The following ALG3 variants were observed in gnomAD, a reference collection of about 807,000 sequenced individuals.
ALG3 encodes ALG3 alpha-1,3- mannosyltransferase.
A neutral mutation model predicts 50.5 loss-of-function variants in ALG3; 39 were observed. The ratio of observed to expected loss-of-function variants is 0.77; its 90% confidence interval spans 0.60 to 1.01. The LOEUF is 1.01. Ranked by LOEUF, ALG3 falls within the 50% of genes least tolerant of loss-of-function variation. The probability of loss-of-function intolerance (pLI) is 0.00; values close to 1 mark genes in which losing one functional copy is unlikely to be tolerated. For missense variants in ALG3, 520 were observed against 554.8 expected (o/e 0.94, Z 0.63); for synonymous variants, 252 against 237.2 (o/e 1.06, Z -0.58).
At chr3:184,249,263 C>T (rs779358679), upstream of ALG3, 52 of 1,612,108 alleles carry the variant, frequency 3.2e-5, no homozygotes, top group Non-Finnish European at 4.2e-5. Flanking sequence ...TCTCCTTCGC[C>T]TGCGCTGGGA....
At chr3:184,249,245 G>A, upstream of ALG3, 1 of 1,612,816 alleles carries the variant, frequency 6.2e-7, no homozygotes, top group Non-Finnish European at 8.5e-7. Context: ...AACCGCTGAA[G>A]CCAGCATTCT....
At chr3:184,243,712 T>G in intron 6 of ALG3, 79 bp downstream of exon 6, 1 of 1,595,506 alleles carries the variant, frequency 6.3e-7, no homozygotes, top group Non-Finnish European at 8.6e-7. Context: ...TAACTGACAC[T>G]TCCCCCAAGC....
Position 184,243,985 on chromosome 3 carries a change from C to T in ALG3, c.738G>A (p.Gly246=). 1 of 1,612,970 alleles carries T rather than the reference C, an allele frequency of 6.2e-7. No homozygotes were observed. The highest frequency in any genetic ancestry group is 8.5e-7 in the Non-Finnish European group (1 of 1,179,672). Residue 246 remains glycine, a synonymous_variant, in exon 6 of 9, where the codon GGG becomes GGA. Transcript: ENST00000397676. ...GICAGLQVVL[G]LPFLLENPSG... ...TGGGGTTCTCCAGCAGGAAGGGCAG[C>T]CCCAGCACCACCTGAGGATTGGTGT...
chr3:184,245,797 C>T lies in ALG3; in HGVS notation c.212G>A (p.Trp71Ter). 1.2e-6 allele frequency: 2 copies of T among 1,613,422 alleles called. No individual in the cohort carries two copies. Among genetic ancestry groups the T allele is most frequent in the Non-Finnish European group, 8.5e-7 (1 of 1,179,602 alleles). ...IHRVAYTEIDWKAYMAEVEGV... is the reference protein window; with the variant it reads ...IHRVAYTEID ...TTCTACCTCGGCCATGTAGGCCTTC[C>T]AGTCAATCTCTGTGTCTGGAAGAAG... is the stretch of plus-strand genomic sequence containing the variant. Residue 71 changes from tryptophan (W) to a stop codon, truncating the protein, a stop_gained, in exon 2 of 9, where the codon TGG becomes TAG. Coordinates refer to ENST00000397676, the MANE Select transcript of ALG3 (RefSeq NM_005787.6). LOFTEE classifies it high-confidence loss of function.
chr3:184,247,104 A>G (rs1313106677), intron 1 of ALG3, among the ~76,000 whole-genome samples: 1 of 151,416 alleles, frequency 6.6e-6, no homozygotes, highest in East Asian at 1.9e-4. Context: ...GGGTGTCAAC[A>G]TATTGGCCAG....
rs553088633 is a variant in ALG3 at position 184,248,858 on chromosome 3, G to A, written c.83C>T (p.Ala28Val). The change falls in exon 1 of 9, where the codon GCC becomes GTC. Residue 28 changes from alanine (A) to valine (V), a missense_variant. Physicochemically the swap from Ala to Val is moderately conservative, Grantham distance 64 (BLOSUM62 0). Transcript: ENST00000397676. ...CAGCAGCAGGCGCCGCTCTTGCCAG[G>A]CGCGCTGCAGCCATTGCTTGCAGAG... The part of the protein sequence containing the change: ...EGLCKQWLQR[A>V]WQERRLLLRE... 3 of 1,607,308 alleles carry A rather than the reference G, an allele frequency of 1.9e-6. No homozygotes were observed. Among genetic ancestry groups the A allele is most frequent in the South Asian group, 1.1e-5 (1 of 90,766 alleles).
rs1436563177 is a variant in ALG3, at chr3:184,245,591, G to T, written c.321C>A (p.Ile107=). The change falls in exon 3 of 9, where the codon ATC becomes ATA. Residue 107 remains isoleucine, a synonymous_variant. Coordinates refer to ENST00000397676, the MANE Select transcript of ALG3 (RefSeq NM_005787.6). ...TGGTGGCATAGTACAACCCCATAAAGATGTACACGAAACCAGCTGGGTACC... is the reference window on the plus strand; with the variant it reads ...TGGTGGCATAGTACAACCCCATAAATATGTACACGAAACCAGCTGGGTACC... ...PLVYPAGFVY[I]FMGLYYATSR... is the part of the protein sequence containing the mutation. The T allele has an allele frequency of 2.5e-6, 4 of 1,613,376 alleles. No homozygotes were observed. The highest frequency in any genetic ancestry group is 3.4e-6 in the Non-Finnish European group (4 of 1,179,652).
intron 1 of ALG3, among the ~76,000 whole-genome samples, chr3:184,247,865 AG>A (rs1166590305): frequency 1.4e-5 from 2 of 142,928 alleles, no homozygotes; most frequent in Admixed American, 1.4e-4. Context: ...TTTTTTTTTG[AG>A]ACGGAGTCTT....
rs1334653220 is a variant in ALG3 at position 184,248,931 on chromosome 3, C to T, written c.10G>A (p.Gly4Arg). Reference sequence around the variant, plus strand: ...CCGGACCGGCCGCGTTTCCGCAGCCCAGCCGCCATCTTAACGGTGCGCCGC... The same window carrying T: ...CCGGACCGGCCGCGTTTCCGCAGCCTAGCCGCCATCTTAACGGTGCGCCGC... MAA[G>R]LRKRGRSGSA... is the part of the protein sequence containing the mutation. The change falls in exon 1 of 9, where the codon GGG becomes AGG. Residue 4 changes from glycine to arginine, a missense_variant. Physicochemically the swap from Gly to Arg is moderately radical, Grantham distance 125 (BLOSUM62 -2). Transcript: ENST00000397676. The T allele has an allele frequency of 2.5e-6, 4 of 1,582,364 alleles. No homozygotes were observed. Among genetic ancestry groups the T allele is most frequent in the Admixed American group, 1.8e-5 (1 of 56,316 alleles).
chr3:184,247,390 C>A (rs184537078), intron 1 of ALG3, among the ~76,000 whole-genome samples: 251 of 152,058 alleles, frequency 1.7e-3, no homozygotes, highest in African/African-American at 5.9e-3. Flanking sequence ...CTCCACCTCC[C>A]GGGTTCAAGC....
At position 184,245,250 on chromosome 3, in the gene ALG3, T is replaced by G. The variant is rs772527283; in HGVS notation, c.553A>C (p.Ser185Arg). The stretch of plus-strand genomic sequence containing the variant: ...CGCTGGGCCAGCAGGAGGTTGATAC[T>G]GAGGAAGAGCAGCACCATGGCCACT... ...DPVAMVLLFL[S>R]INLLLAQRWG... Residue 185 changes from serine to arginine, a missense_variant, in exon 4 of 9, where the codon AGT becomes CGT. Around this residue, in one of 3 missense-constraint regions of ALG3, gnomAD observed 290 missense variants for 265.9 expected, o/e 1.09. Coordinates refer to ENST00000397676, the MANE Select transcript of ALG3 (RefSeq NM_005787.6). 1 of 1,613,806 alleles carries G rather than the reference T, an allele frequency of 6.2e-7. No homozygotes were observed. Among genetic ancestry groups the G allele is most frequent in the Non-Finnish European group, 8.5e-7 (1 of 1,179,844 alleles).
chr3:184,244,912 T>A, intron 4 of ALG3, 191 bp from the exon 5 acceptor site: 1 of 783,146 alleles, frequency 1.3e-6, no homozygotes. Context: ...AGATACATAG[T>A]CTCTATGCCT....
intron 1 of ALG3, among the ~76,000 whole-genome samples, chr3:184,246,247 C>A (rs1035280829): frequency 1.3e-5 from 2 of 152,196 alleles, no homozygotes; most frequent in Non-Finnish European, 2.9e-5. Context: ...AATGAGTATA[C>A]AATAGCCTGC....
chr3:184,249,370 C>T, upstream of ALG3: 1 of 1,336,672 alleles, frequency 7.5e-7, no homozygotes, highest in Non-Finnish European at 1.0e-6. Flanking sequence ...GAAAAATGAA[C>T]CTTTCACTAA....
chr3:184,242,456 G>A lies in ALG3; in HGVS notation c.*58C>T. 6.3e-7 allele frequency: 1 copy of A among 1,577,278 alleles called. No homozygotes were observed. The highest frequency in any genetic ancestry group is 2.3e-5 in the East Asian group (1 of 43,840). Reference sequence around the variant, plus strand: ...AGCAAGGTTTATTTGGAAGGGCAGAGTCCAACCAACCCCAGGTCCTGAGGG... The same window carrying A: ...AGCAAGGTTTATTTGGAAGGGCAGAATCCAACCAACCCCAGGTCCTGAGGG... On this transcript the variant is annotated 3_prime_UTR_variant, in exon 9 of 9. Coordinates refer to ENST00000397676, the MANE Select transcript of ALG3 (RefSeq NM_005787.6).
chr3:184,248,839 C>G lies in ALG3; in HGVS notation c.102G>C (p.Leu34=), dbSNP rs1352757415. Residue 34 remains leucine (L), a synonymous_variant, in exon 1 of 9, where the codon CTG becomes CTC. Coordinates refer to ENST00000397676, the MANE Select transcript of ALG3 (RefSeq NM_005787.6). ...GCGTGTAGCGCGGCTCCCGCAGCAG[C>G]AGGCGCCGCTCTTGCCAGGCGCGCT... ...WLQRAWQERR[L]LLREPRYTLL... 1 of 1,608,506 alleles carries G rather than the reference C, an allele frequency of 6.2e-7. No individual in the cohort carries two copies. The highest frequency in any genetic ancestry group is 1.1e-5 in the South Asian group (1 of 90,852).
In ALG3 at chr3:184,243,177, C is replaced by T. The variant is rs1577101554; in HGVS notation, c.1010-220G>A. 16 of 636,308 alleles carry T rather than the reference C, an allele frequency of 2.5e-5. No homozygotes were observed. The East Asian group carries it at 4.5e-4, about 18-fold the overall frequency. 39.4% of individuals were successfully genotyped at this position (636,308 alleles called of 1,614,324 possible). ...CATAAGGTCTTGTGGGTTTGAACCC[C>T]TAACTTACTGGCTGTGTGACCTTGG... is the stretch of plus-strand genomic sequence containing the variant. On this transcript the variant is annotated intron_variant, in intron 7 of 8. Transcript: ENST00000397676.
chr3:184,244,566 C>A, intron 5 of ALG3, 35 bp downstream of exon 5: 1 of 1,595,300 alleles, frequency 6.3e-7, no homozygotes, highest in African/African-American at 1.3e-5. Context: ...GTGGCTTCTC[C>A]TTGATTAGAA....
intron 4 of ALG3, 126 bp from the exon 5 acceptor site, chr3:184,244,847 G>A: frequency 7.5e-7 from 1 of 1,337,110 alleles, no homozygotes; most frequent in Non-Finnish European, 1.0e-6. Context: ...CAAACTCCAA[G>A]ATGGGACCTA....
Sources: allele counts gnomAD v4.1 joint callset (sites outside exome capture counted in the v4.1 genomes callset), GRCh38; gene constraint gnomAD v4.1.1; regional missense constraint gnomAD v4.1.1; transcripts MANE v1.5; gene names NCBI Gene and HGNC (gene_info 2026-07-23, HGNC 2026-07-21).